The following MMS22L variants were observed in gnomAD, a reference collection of about 807,000 sequenced individuals.
MMS22L encodes the protein protein MMS22-like.
In MMS22L, 74 loss-of-function variants were observed where a neutral mutation model predicts 159.1. The observed-to-expected ratio is 0.47, with a 90% confidence interval of 0.39 to 0.56. The LOEUF (loss-of-function observed/expected upper bound fraction) is 0.56. Among genes scored for constraint, MMS22L ranks in the 20% least tolerant of loss-of-function variants. MMS22L has a pLI of 0.00. For missense variants in MMS22L, 1,351 were observed against 1,422.1 expected (o/e 0.95, Z 0.80); for synonymous variants, 517 against 506.9 (o/e 1.02, Z -0.27).
chr6:97,157,790 T>C (rs1433183090), intron 22 of MMS22L, among the ~76,000 whole-genome samples: 1 of 152,194 alleles, frequency 6.6e-6, no homozygotes, highest in Non-Finnish European at 1.5e-5. Flanking sequence ...TTTTTGTTGT[T>C]GTGTCTCTGC....
chr6:97,247,248 A>G (rs1469951217), intron 10 of MMS22L, among the ~76,000 whole-genome samples: 1 of 152,232 alleles, frequency 6.6e-6, no homozygotes, highest in African/African-American at 2.4e-5. Flanking sequence ...GTAGGCACTT[A>G]AAACAATTCC....
intron 9 of MMS22L, chr6:97,261,463 T>A (rs542807296): frequency 6.6e-6 from 1 of 152,342 alleles, no homozygotes; most frequent in Admixed American, 6.5e-5. Context: ...TAATGAGAAG[T>A]AAATATATAT....
intron 16 of MMS22L, among the ~76,000 whole-genome samples, chr6:97,181,160 T>TA (rs1804665333): frequency 6.6e-6 from 1 of 152,016 alleles, no homozygotes; most frequent in South Asian, 2.1e-4. Context: ...AGAATAAAAA[T>TA]AAAAACCCTA....
intron 14 of MMS22L, among the ~76,000 whole-genome samples, chr6:97,206,625 C>T (rs1245787694): frequency 6.6e-6 from 1 of 151,988 alleles, no homozygotes; most frequent in African/African-American, 2.4e-5. Flanking sequence ...ATATACCTAT[C>T]AAAAGTACAC....
intron 10 of MMS22L, chr6:97,253,908 T>C (rs967374924): frequency 1.3e-5 from 2 of 152,226 alleles, no homozygotes; most frequent in Non-Finnish European, 2.9e-5. Context: ...GCTGATACAA[T>C]AATACAATAC....
intron 11 of MMS22L, among the ~76,000 whole-genome samples, chr6:97,240,211 C>G (rs1021660574): frequency 6.6e-6 from 1 of 152,192 alleles, no homozygotes; most frequent in Non-Finnish European, 1.5e-5. Context: ...TCCTATACTA[C>G]TTATAGAATA....
intron 4 of MMS22L, among the ~76,000 whole-genome samples, chr6:97,277,612 T>C (rs1816366849): frequency 1.3e-5 from 2 of 151,828 alleles, no homozygotes; most frequent in African/African-American, 4.8e-5. Context: ...ACCAGGACAA[T>C]ACTTTTTTAC....
Position 97,172,075 on chromosome 6 carries a change from C to T in MMS22L, c.2839+988G>A, listed in dbSNP as rs1803606530. Among the ~76,000 whole-genome samples the T allele has an allele frequency of 2.6e-5, 4 of 152,104 alleles. No homozygotes were observed. In the South Asian group the frequency reaches 6.2e-4, roughly 24 times the overall value. On this transcript the variant is annotated intron_variant, in intron 19 of 24. Transcript: ENST00000683635. ...AATTTTGTCCCATGTCTATATCAGA[C>T]ATTTATCTTGGCAAAAATCTAAATC...
intron 21 of MMS22L, among the ~76,000 whole-genome samples, chr6:97,163,711 G>A (rs1802678684): frequency 6.6e-6 from 1 of 151,896 alleles, no homozygotes; most frequent in Non-Finnish European, 1.5e-5. Flanking sequence ...AGCTGTACAG[G>A]GCATATGATT....
chr6:97,205,957 G>A (rs1182084748), intron 14 of MMS22L, among the ~76,000 whole-genome samples: 2 of 152,296 alleles, frequency 1.3e-5, no homozygotes, highest in Non-Finnish European at 2.9e-5. Context: ...CTGCAAAACT[G>A]TGTAATTATA....
intron 14 of MMS22L, among the ~76,000 whole-genome samples, chr6:97,191,142 C>A (rs1805822563): frequency 6.6e-6 from 1 of 152,062 alleles, no homozygotes; most frequent in South Asian, 2.1e-4. Flanking sequence ...CTCTCTACTC[C>A]CACACAGATA....
chr6:97,271,374 T>C (rs773723799), intron 6 of MMS22L: 4 of 152,188 alleles, frequency 2.6e-5, no homozygotes, highest in Non-Finnish European at 5.9e-5. Context: ...CAAATTTTTA[T>C]TTCTGCTGCT....
chr6:97,219,016 C>G (rs1398946568), intron 14 of MMS22L, among the ~76,000 whole-genome samples: 1 of 152,286 alleles, frequency 6.6e-6, no homozygotes, highest in East Asian at 1.9e-4. Flanking sequence ...ACCATCAGAT[C>G]TCGTGAGAAC....
At chr6:97,255,356 C>T (rs1373881533) in intron 9 of MMS22L, among the ~76,000 whole-genome samples, 1 of 151,922 alleles carries the variant, frequency 6.6e-6, no homozygotes, top group South Asian at 2.1e-4. Context: ...AAGTCATGTT[C>T]CTTTTTATAT....
intron 20 of MMS22L, 102 bp downstream of exon 20, chr6:97,167,969 T>C (rs1803140759): frequency 1.0e-6 from 1 of 977,420 alleles, no homozygotes. Context: ...GCATTTGAGA[T>C]TATAATGTAC....
chr6:97,220,457 T>A (rs1809510229), intron 14 of MMS22L, among the ~76,000 whole-genome samples: 1 of 152,132 alleles, frequency 6.6e-6, no homozygotes, highest in Non-Finnish European at 1.5e-5. Context: ...GTATGGTGTG[T>A]GAATTATATC....
At chr6:97,216,755 C>T (rs1809058296) in intron 14 of MMS22L, among the ~76,000 whole-genome samples, 1 of 152,124 alleles carries the variant, frequency 6.6e-6, no homozygotes, top group African/African-American at 2.4e-5. Context: ...GGTCTAAACA[C>T]CTATAGTGAA....
At chr6:97,196,438 G>T (rs1345307612) in intron 14 of MMS22L, among the ~76,000 whole-genome samples, 1 of 152,164 alleles carries the variant, frequency 6.6e-6, no homozygotes, top group African/African-American at 2.4e-5. Flanking sequence ...ATTACCTTTA[G>T]TCAAGTGCCA....
chr6:97,162,014 T>C lies in MMS22L; in HGVS notation c.3373A>G (p.Ser1125Gly). 1 of 1,607,540 alleles carries C rather than the reference T, an allele frequency of 6.2e-7. No homozygotes were observed. Among genetic ancestry groups the C allele is most frequent in the Non-Finnish European group, 8.5e-7 (1 of 1,177,942 alleles). Residue 1125 changes from serine to glycine, a missense_variant, in exon 22 of 25, where the codon AGT (serine) becomes GGT (glycine). Transcript: ENST00000683635. The stretch of plus-strand genomic sequence containing the variant: ...CTTACAAACAAACCTTGTGGTTCAC[T>C]GACTAACACCAAGCATTTTAAAATG... ...PGILKCLVLV[S>G]EPQVKRLATE...
Sources: gnomAD v4.1 joint callset for allele counts (sites outside exome capture counted in the v4.1 genomes callset) on GRCh38, gnomAD v4.1.1 for gene constraint, MANE v1.5 for transcripts, NCBI Gene and HGNC (gene_info 2026-07-23, HGNC 2026-07-21) for gene names.